OVOL1: variants seen among roughly 807,000 people sequenced by gnomAD.
OVOL1 encodes the protein putative transcription factor Ovo-like 1.
OVOL1 carries 10 observed loss-of-function variants against 21.5 expected under a neutral mutation model. The observed-to-expected ratio is 0.46, with a 90% confidence interval of 0.29 to 0.79. The LOEUF (loss-of-function observed/expected upper bound fraction) is 0.79. Among genes scored for constraint, OVOL1 ranks in the 30% least tolerant of loss-of-function variants. OVOL1 has a pLI of 0.10. For missense variants in OVOL1, 279 were observed against 362.3 expected (o/e 0.77, Z 1.87); for synonymous variants, 129 against 150.3 (o/e 0.86, Z 1.03).
At position 65,794,617 on chromosome 11, in the gene OVOL1, T is replaced by C; in HGVS notation, c.398T>C (p.Leu133Pro). 1 of 1,613,532 alleles carries C rather than the reference T, an allele frequency of 6.2e-7. No individual in the cohort carries two copies. Residue 133 changes from leucine to proline, a missense_variant, in exon 3 of 4, where the codon CTG (leucine) becomes CCG (proline). Physicochemically the swap from Leu to Pro is moderately conservative, Grantham distance 98. Transcript: ENST00000335987. ...CQKAFTYQRM[L>P]NRHMKCHNDV... The stretch of plus-strand genomic sequence containing the variant: ...AAGGCCTTCACCTACCAGCGCATGC[T>C]GAACCGCCACATGAAGTGTCACAAC...
chr11:65,787,792 C>G (rs930263117), intron 1 of OVOL1, among the ~76,000 whole-genome samples: 1 of 152,134 alleles, frequency 6.6e-6, no homozygotes, highest in African/African-American at 2.4e-5. Flanking sequence ...GGTGTGTCAC[C>G]GCTCAGGCGA....
At chr11:65,788,312 A>C in intron 1 of OVOL1, 1 of 217,440 alleles carries the variant, frequency 4.6e-6, no homozygotes, top group Non-Finnish European at 7.8e-6. Context: ...CTCCAGCGGC[A>C]TCTTCCCCTG....
chr11:65,797,199 A>C lies in OVOL1; in HGVS notation c.*1858A>C, dbSNP rs940478336. Reference sequence around the variant, plus strand: ...TTTTATAACCTTCCTCTCAACTATTAAAATTAGAGATCTAATGTTTTCTGT... The same window carrying C: ...TTTTATAACCTTCCTCTCAACTATTCAAATTAGAGATCTAATGTTTTCTGT... On this transcript the variant is annotated 3_prime_UTR_variant, in exon 4 of 4. Coordinates refer to ENST00000335987, the MANE Select transcript of OVOL1 (RefSeq NM_004561.4). 6.6e-6 allele frequency: 1 copy of C among 152,172 alleles called. No individual in the cohort carries two copies. The highest frequency in any genetic ancestry group is 2.1e-4 in the South Asian group (1 of 4,830). 9.4% of individuals were successfully genotyped at this position (152,172 alleles called of 1,614,324 possible).
chr11:65,787,231 C>A lies in OVOL1; in HGVS notation c.-143C>A, dbSNP rs1857923188. 3.2e-6 allele frequency: 2 copies of A among 615,510 alleles called. No homozygotes were observed. The highest frequency in any genetic ancestry group is 2.9e-6 in the Non-Finnish European group (1 of 344,958). The allele number at this position is 615,510 out of a possible 1,614,324, so 38.1% of individuals were successfully genotyped here. The stretch of plus-strand genomic sequence containing the variant: ...CCGCCGCGCGCCGTCCGGGCTCGGA[C>A]CTTCCCCGGAACGTGGGGGCGCCTT... On this transcript the variant is annotated 5_prime_UTR_variant, in exon 1 of 4. Coordinates refer to ENST00000335987, the MANE Select transcript of OVOL1 (RefSeq NM_004561.4).
intron 1 of OVOL1, chr11:65,789,106 T>G: frequency 1.0e-6 from 1 of 969,640 alleles, no homozygotes; most frequent in Non-Finnish European, 1.2e-6. Flanking sequence ...TTAGTTTTAT[T>G]TCACATCCCA....
Position 65,787,329 on chromosome 11 carries a change from C to A in OVOL1, c.-45C>A, listed in dbSNP as rs755682843. 2 of 1,490,772 alleles carry A rather than the reference C, an allele frequency of 1.3e-6. No homozygotes were observed. Among genetic ancestry groups the A allele is most frequent in the South Asian group, 2.4e-5 (2 of 83,194 alleles). 92.3% of individuals were successfully genotyped at this position (1,490,772 alleles called of 1,614,324 possible). On this transcript the variant is annotated 5_prime_UTR_variant, in exon 1 of 4. Transcript: ENST00000335987. ...CCCGCAAAGGTGGGACGGCTCCCGG[C>A]TTCAGTTACGGAAGCGGCCCGTGTC...
chr11:65,794,353 G>C, intron 2 of OVOL1, 105 bp downstream of exon 2: 1 of 1,210,008 alleles, frequency 8.3e-7, no homozygotes, highest in Non-Finnish European at 1.2e-6. Flanking sequence ...ACTGACCTGG[G>C]ACCTGGGCCA....
chr11:65,791,482 G>A (rs1461809758), intron 1 of OVOL1, among the ~76,000 whole-genome samples: 1 of 152,198 alleles, frequency 6.6e-6, no homozygotes, highest in African/African-American at 2.4e-5. Flanking sequence ...CCAGGGACAG[G>A]CCTCATGCCC....
chr11:65,788,958 T>G (rs1395836562), intron 1 of OVOL1: 16 of 985,862 alleles, frequency 1.6e-5, no homozygotes, highest in Non-Finnish European at 1.9e-5. Context: ...CAGAGCCCCC[T>G]CCCCGCTCCG....
In OVOL1 at chr11:65,794,640, A is replaced by G. The variant is rs768631694; in HGVS notation, c.421A>G (p.Asn141Asp). The G allele has an allele frequency of 4.2e-5, 68 of 1,613,658 alleles. 1 individual carries two copies. Among genetic ancestry groups the G allele is most frequent in the Non-Finnish European group, 5.5e-5 (65 of 1,180,018 alleles). Residue 141 changes from asparagine (N) to aspartate (D), a missense_variant, in exon 3 of 4, where the codon AAC becomes GAC. By Grantham distance (23) the Asn-to-Asp change is conservative. Transcript: ENST00000335987. ...RMLNRHMKCH[N>D]DVKRHLCTYC... is the part of the protein sequence containing the mutation. Reference sequence around the variant, plus strand: ...GCTGAACCGCCACATGAAGTGTCACAACGACGTCAAGAGGCACCTCTGCAC... The same window carrying G: ...GCTGAACCGCCACATGAAGTGTCACGACGACGTCAAGAGGCACCTCTGCAC...
At chr11:65,794,449 A>C in intron 2 of OVOL1, 89 bp from the exon 3 acceptor site, 1 of 1,321,842 alleles carries the variant, frequency 7.6e-7, no homozygotes, top group Non-Finnish European at 1.1e-6. Context: ...CCTCAGGGAC[A>C]CTGGGGGCTG....
intron 3 of OVOL1, 93 bp from the exon 4 acceptor site, chr11:65,794,953 G>C (rs1858099361): frequency 1.5e-6 from 2 of 1,355,248 alleles, no homozygotes; most frequent in Admixed American, 2.0e-5. Context: ...TGGCCCTAGA[G>C]GCAGGGGTCC....
chr11:65,795,484 C>G lies in OVOL1; in HGVS notation c.*143C>G, dbSNP rs183016490. ...GGAGCCCCCGTGCCTTGGTCTCCCC[C>G]CTGGGCACACGTGCTCACTCAGGCC... On this transcript the variant is annotated 3_prime_UTR_variant, in exon 4 of 4. Transcript: ENST00000335987. The surrounding 1 kb of genome is among the most constrained non-coding windows in gnomAD (Gnocchi z 5.7). 2.7e-5 allele frequency: 20 copies of G among 729,424 alleles called. No homozygotes were observed. Among genetic ancestry groups the G allele is most frequent in the East Asian group, 1.1e-4 (4 of 36,988 alleles). The allele number at this position is 729,424 out of a possible 1,614,324, so 45.2% of individuals were successfully genotyped here. A position where few individuals can be genotyped will look rare whatever the true frequency, so the allele number is the denominator to read the frequency against.
chr11:65,787,883 G>A (rs1857935460), intron 1 of OVOL1, among the ~76,000 whole-genome samples: 1 of 152,252 alleles, frequency 6.6e-6, no homozygotes. Context: ...GCCACTTTGG[G>A]GGGCGGGGAG....
At position 65,787,240 on chromosome 11, in the gene OVOL1, G is replaced by C; in HGVS notation, c.-134G>C. The C allele has an allele frequency of 3.0e-6, 2 of 665,890 alleles. No individual in the cohort carries two copies. Among genetic ancestry groups the C allele is most frequent in the South Asian group, 3.3e-5 (2 of 60,540 alleles). 41.2% of individuals were successfully genotyped at this position (665,890 alleles called of 1,614,324 possible). A position where few individuals can be genotyped will look rare whatever the true frequency, so the allele number is the denominator to read the frequency against. Reference sequence around the variant, plus strand: ...GCCGTCCGGGCTCGGACCTTCCCCGGAACGTGGGGGCGCCTTAGCGACTCC... The same window carrying C: ...GCCGTCCGGGCTCGGACCTTCCCCGCAACGTGGGGGCGCCTTAGCGACTCC... On this transcript the variant is annotated 5_prime_UTR_variant, in exon 1 of 4. Coordinates refer to ENST00000335987, the MANE Select transcript of OVOL1 (RefSeq NM_004561.4).
Position 65,794,804 on chromosome 11 carries a change from C to A in OVOL1, c.508+77C>A, listed in dbSNP as rs749033667. On this transcript the variant is annotated intron_variant, in intron 3 of 3. Coordinates refer to ENST00000335987, the MANE Select transcript of OVOL1 (RefSeq NM_004561.4). ...GCCGTGCGGGAAAAGTCCAGCACCC[C>A]CTGCTCTCCCTCGGTGACGGGCAGC... 6.3e-6 allele frequency: 9 copies of A among 1,433,430 alleles called. No individual in the cohort carries two copies. In the African/African-American group the frequency reaches 9.8e-5, roughly 16 times the overall value. 88.8% of individuals were successfully genotyped at this position (1,433,430 alleles called of 1,614,324 possible). A position where few individuals can be genotyped will look rare whatever the true frequency, so the allele number is the denominator to read the frequency against.
Position 65,795,606 on chromosome 11 carries a change from C to G in OVOL1, c.*265C>G. On this transcript the variant is annotated 3_prime_UTR_variant, in exon 4 of 4. Coordinates refer to ENST00000335987, the MANE Select transcript of OVOL1 (RefSeq NM_004561.4). The surrounding 1 kb of genome is among the most constrained non-coding windows in gnomAD (Gnocchi z 5.7). ...ACCTATGTCAAGAGAAGGGATGAGG[C>G]CAAGGCTGCCTTCAATTAGAAGCAG... The G allele has an allele frequency of 1.8e-6, 1 of 555,824 alleles. No homozygotes were observed. The highest frequency in any genetic ancestry group is 3.0e-5 in the East Asian group (1 of 33,658). 34.4% of individuals were successfully genotyped at this position (555,824 alleles called of 1,614,324 possible).
intron 2 of OVOL1, 117 bp downstream of exon 2, chr11:65,794,365 G>A: frequency 1.7e-6 from 2 of 1,157,650 alleles, no homozygotes; most frequent in Admixed American, 2.0e-5. Context: ...CCTGGGCCAA[G>A]GTTTCTGCAG....
chr11:65,788,467 C>T (rs1011533511), intron 1 of OVOL1: 80 of 984,706 alleles, frequency 8.1e-5, no homozygotes, highest in Non-Finnish European at 9.5e-5. Flanking sequence ...CAGCCCAGCC[C>T]CTCCGAGGGG....
Sources: gnomAD v4.1 joint callset for allele counts (sites outside exome capture counted in the v4.1 genomes callset) on GRCh38, gnomAD v4.1.1 for gene constraint, Gnocchi (gnomAD v3.1) non-coding constraint, MANE v1.5 for transcripts, NCBI Gene and HGNC (gene_info 2026-07-23, HGNC 2026-07-21) for gene names.